DAPK1: variants seen among roughly 807,000 people sequenced by gnomAD.
The protein encoded by DAPK1 is death associated protein kinase 1.
In DAPK1, 56 loss-of-function variants were observed where a neutral mutation model predicts 144.9. That is an observed-to-expected ratio of 0.39 (90% CI 0.31 to 0.48). DAPK1 has a LOEUF of 0.48. Ranked by LOEUF, DAPK1 falls within the 20% of genes least tolerant of loss-of-function variation. DAPK1 has a pLI of 0.95. For synonymous variants in DAPK1, 690 were observed against 749.0 expected, an observed-to-expected ratio of 0.92 and a Z score of 1.29; for missense variants, 1,454 against 1,875.4, an observed-to-expected ratio of 0.78 and a Z score of 4.15.
intron 2 of DAPK1, among the ~76,000 whole-genome samples, chr9:87,537,993 T>G (rs1825919299): frequency 6.6e-6 from 1 of 152,214 alleles, no homozygotes; most frequent in South Asian, 2.1e-4. Flanking sequence ...GGGCCCAAAA[T>G]GCTTTGTAAC....
intron 2 of DAPK1, among the ~76,000 whole-genome samples, chr9:87,602,718 C>G (rs1306148410): frequency 1.3e-5 from 2 of 152,020 alleles, no homozygotes; most frequent in African/African-American, 4.8e-5. Flanking sequence ...ACTGCAAGCT[C>G]CACCTCCCAG....
intron 3 of DAPK1, among the ~76,000 whole-genome samples, chr9:87,624,765 C>T (rs1829431254): frequency 6.6e-6 from 1 of 152,166 alleles, no homozygotes; most frequent in South Asian, 2.1e-4. Context: ...CATCAATGCC[C>T]ACCACAGCGC....
intron 2 of DAPK1, among the ~76,000 whole-genome samples, chr9:87,554,737 C>T (rs1826637870): frequency 6.6e-6 from 1 of 152,218 alleles, no homozygotes; most frequent in African/African-American, 2.4e-5. Flanking sequence ...CATCAGCTGG[C>T]CTCGGCCTGA....
chr9:87,616,136 A>C (rs1829087389), intron 3 of DAPK1, among the ~76,000 whole-genome samples: 1 of 152,188 alleles, frequency 6.6e-6, no homozygotes, highest in Non-Finnish European at 1.5e-5. Flanking sequence ...GCGTGGCTGC[A>C]TTGTTCTTGC....
At chr9:87,583,049 T>C (rs1367801623) in intron 2 of DAPK1, among the ~76,000 whole-genome samples, 1 of 152,242 alleles carries the variant, frequency 6.6e-6, no homozygotes, top group Admixed American at 6.5e-5. Flanking sequence ...CAAGGGTATA[T>C]ACAGTTGGCC....
At chr9:87,606,305 C>A (rs868014615) in intron 3 of DAPK1, among the ~76,000 whole-genome samples, 3 of 152,162 alleles carry the variant, frequency 2.0e-5, no homozygotes, top group African/African-American at 7.2e-5. Flanking sequence ...GGGCACATTT[C>A]TTTATGGGTC....
At chr9:87,661,025 A>T (rs1830826866) in intron 18 of DAPK1, among the ~76,000 whole-genome samples, 1 of 152,062 alleles carries the variant, frequency 6.6e-6, no homozygotes, top group Admixed American at 6.5e-5. Context: ...TTTTTAGTAG[A>T]GACGGGGTTT....
At chr9:87,558,274 G>A (rs1257675025) in intron 2 of DAPK1, among the ~76,000 whole-genome samples, 2 of 152,098 alleles carry the variant, frequency 1.3e-5, no homozygotes, top group African/African-American at 2.4e-5. Context: ...ACCTCTCCCT[G>A]AAGCATCCCA....
chr9:87,707,410 A>AG lies in DAPK1; in HGVS notation c.*51dup. 7.4e-7 allele frequency: 1 copy of AG among 1,354,280 alleles called. No homozygotes were observed. Among genetic ancestry groups the AG allele is most frequent in the Non-Finnish European group, 1.0e-6 (1 of 972,436 alleles). 83.9% of individuals were successfully genotyped at this position (1,354,280 alleles called of 1,614,324 possible). A position where few individuals can be genotyped will look rare whatever the true frequency, so the allele number is the denominator to read the frequency against. On this transcript the variant is annotated 3_prime_UTR_variant, in exon 26 of 26. Coordinates refer to ENST00000408954, the MANE Select transcript of DAPK1 (RefSeq NM_004938.4). The surrounding 1 kb of genome is among the most constrained non-coding windows in gnomAD (Gnocchi z 4.0). ...AGGGTCTGTTTGGACTGCAGAAGCA[A>AG]GGGGGTGATGTAGCCCATCCTTCCC...
intron 18 of DAPK1, among the ~76,000 whole-genome samples, chr9:87,660,236 C>T (rs557294542): frequency 8.5e-5 from 13 of 152,088 alleles, no homozygotes; most frequent in South Asian, 2.1e-4. Flanking sequence ...CGGCCTTCCC[C>T]GCAGGGAACC....
At chr9:87,660,649 C>G (rs942574026) in intron 18 of DAPK1, among the ~76,000 whole-genome samples, 2 of 152,030 alleles carry the variant, frequency 1.3e-5, no homozygotes, top group South Asian at 4.1e-4. Context: ...CTTCACCCCT[C>G]CAAGTCCCCG....
At chr9:87,518,862 A>G (rs1825184506) in intron 2 of DAPK1, among the ~76,000 whole-genome samples, 1 of 152,110 alleles carries the variant, frequency 6.6e-6, no homozygotes. Context: ...ACCCTCAGTA[A>G]AATCAGCCAC....
chr9:87,597,070 C>G (rs1264522015), intron 2 of DAPK1, among the ~76,000 whole-genome samples: 1 of 152,200 alleles, frequency 6.6e-6, no homozygotes, highest in Non-Finnish European at 1.5e-5. Flanking sequence ...TCTACACAGC[C>G]TGGGCTTCTC....
chr9:87,559,526 G>A (rs560594275), intron 2 of DAPK1, among the ~76,000 whole-genome samples: 6 of 152,254 alleles, frequency 3.9e-5, no homozygotes, highest in Admixed American at 6.5e-5. Flanking sequence ...CACTAGCACC[G>A]TGACTAGTAG....
intron 2 of DAPK1, among the ~76,000 whole-genome samples, chr9:87,538,317 G>A (rs1825928998): frequency 6.6e-6 from 1 of 151,808 alleles, no homozygotes; most frequent in African/African-American, 2.4e-5. Context: ...GAACTGGGAA[G>A]AAAAAAAATC....
At chr9:87,687,288 A>G (rs965300794) in intron 21 of DAPK1, among the ~76,000 whole-genome samples, 1 of 152,174 alleles carries the variant, frequency 6.6e-6, no homozygotes, top group Non-Finnish European at 1.5e-5. Flanking sequence ...CTCTCCACAC[A>G]CACACACAGC....
In DAPK1 at chr9:87,638,063, C is replaced by T. The variant is rs757517692; in HGVS notation, c.405C>T (p.Ile135=). 15 of 1,612,310 alleles carry T rather than the reference C, an allele frequency of 9.3e-6. No individual in the cohort carries two copies. Among genetic ancestry groups the T allele is most frequent in the East Asian group, 4.5e-5 (2 of 44,878 alleles). The change falls in exon 4 of 26, where the codon ATC becomes ATT. Residue 135 remains isoleucine, a synonymous_variant. Transcript: ENST00000408954. ...TTTACTACCTGCACTCCCTTCAAAT[C>T]GCCCACTTTGATCTTAAGGTACGTT... ...NGVYYLHSLQ[I]AHFDLKPENI...
At chr9:87,519,006 G>C (rs1379865676) in intron 2 of DAPK1, among the ~76,000 whole-genome samples, 1 of 152,318 alleles carries the variant, frequency 6.6e-6, no homozygotes, top group Non-Finnish European at 1.5e-5. Flanking sequence ...AGAGGATTTC[G>C]CAAGAGGTGC....
intron 2 of DAPK1, among the ~76,000 whole-genome samples, chr9:87,549,884 T>A (rs929414268): frequency 5.9e-5 from 9 of 152,250 alleles, no homozygotes; most frequent in African/African-American, 2.2e-4. Context: ...ACATTTTTTT[T>A]ATCTTTCCCT....
Sources: allele counts gnomAD v4.1 joint callset (sites outside exome capture counted in the v4.1 genomes callset), GRCh38; gene constraint gnomAD v4.1.1; non-coding constraint Gnocchi (gnomAD v3.1); transcripts MANE v1.5; gene names NCBI Gene and HGNC (gene_info 2026-07-23, HGNC 2026-07-21).